DGKE: variants seen among roughly 807,000 people sequenced by gnomAD.
DGKE encodes the protein diacylglycerol kinase epsilon.
In DGKE, 53 loss-of-function variants were observed where a neutral mutation model predicts 70.0. That is an observed-to-expected ratio of 0.76 (90% CI 0.61 to 0.95). The LOEUF (loss-of-function observed/expected upper bound fraction) is 0.95, where lower values mean the gene tolerates loss of function less well. Ranked by LOEUF, DGKE falls within the 40% of genes least tolerant of loss-of-function variation. The pLI, the probability that DGKE is intolerant of heterozygous loss-of-function variation, is 0.00. For missense variants in DGKE, 655 were observed against 706.9 expected (o/e 0.93, Z 0.83); for synonymous variants, 291 against 257.0 (o/e 1.13, Z -1.27).
chr17:56,848,763 C>T lies in DGKE; in HGVS notation c.956C>T (p.Thr319Ile). The change falls in exon 6 of 12, where the codon ACA becomes ATA. Residue 319 changes from threonine (T) to isoleucine (I), a missense_variant. Physicochemically the swap from Thr to Ile is moderately conservative, Grantham distance 89 (BLOSUM62 -1). Transcript: ENST00000284061. ...GGAACAGGCAACGATCTATCCAATA[C>T]ATTGGGTTGGGGTACAGGTTATGCT... ...PLGTGNDLSN[T>I]LGWGTGYAGE... 6.2e-7 allele frequency: 1 copy of T among 1,614,172 alleles called. No homozygotes were observed. The highest frequency in any genetic ancestry group is 8.5e-7 in the Non-Finnish European group (1 of 1,180,010).
intron 7 of DGKE, among the ~76,000 whole-genome samples, chr17:56,850,084 G>A (rs1454637646): frequency 6.6e-6 from 1 of 151,826 alleles, no homozygotes; most frequent in Non-Finnish European, 1.5e-5. Flanking sequence ...TGTGGGGAGT[G>A]AGAGGGGAAA....
intron 8 of DGKE, 43 bp from the exon 9 acceptor site, chr17:56,858,551 G>T (rs1383172706): frequency 7.4e-6 from 11 of 1,494,008 alleles, no homozygotes; most frequent in South Asian, 1.2e-5. Flanking sequence ...TGTTTACAGG[G>T]TTAGATTGTT....
At chr17:56,848,187 T>C in intron 5 of DGKE, 122 bp downstream of exon 5, 1 of 600,818 alleles carries the variant, frequency 1.7e-6, no homozygotes, top group East Asian at 5.9e-5. Flanking sequence ...AGATACAGTC[T>C]CGCACTGTCA....
In DGKE at chr17:56,868,464, CAT is replaced by C. The variant is rs926926645; in HGVS notation, c.*5674_*5675del. The C allele has an allele frequency of 3.9e-5, 6 of 152,270 alleles. No homozygotes were observed. Among genetic ancestry groups the C allele is most frequent in the South Asian group, 2.1e-4 (1 of 4,836 alleles). 9.4% of individuals were successfully genotyped at this position (152,270 alleles called of 1,614,324 possible). A position where few individuals can be genotyped will look rare whatever the true frequency, so the allele number is the denominator to read the frequency against. ...CCCTAAACCCACAATGTTGAGGACA[CAT>C]GTGATGACTCCACTTGCTCAGCCAG... On this transcript the variant is annotated 3_prime_UTR_variant, in exon 12 of 12. Transcript: ENST00000284061.
At chr17:56,838,578 C>T (rs1906774351) in intron 2 of DGKE, 2 of 152,168 alleles carry the variant, frequency 1.3e-5, no homozygotes, top group Admixed American at 1.3e-4. Context: ...TTATAAATGA[C>T]CATCTCAACT....
chr17:56,839,921 C>G (rs1232383142), intron 2 of DGKE, among the ~76,000 whole-genome samples: 1 of 152,104 alleles, frequency 6.6e-6, no homozygotes, highest in Non-Finnish European at 1.5e-5. Flanking sequence ...TGGCTCATGC[C>G]TGTAATCCCA....
chr17:56,847,692 A>G (rs1337654363), intron 4 of DGKE: 1 of 225,518 alleles, frequency 4.4e-6, no homozygotes, highest in Non-Finnish European at 8.6e-6. Flanking sequence ...ACCTTCCTGC[A>G]CCTCAGTTTC....
chr17:56,836,220 T>TC (rs994842104), intron 2 of DGKE: 1 of 151,940 alleles, frequency 6.6e-6, no homozygotes, highest in African/African-American at 2.4e-5. Context: ...TTAATTTTTT[T>TC]TGCAGAAATT....
chr17:56,862,639 A>T lies in DGKE; in HGVS notation c.1552A>T (p.Met518Leu). 6.3e-7 allele frequency: 1 copy of T among 1,575,702 alleles called. No homozygotes were observed. Among genetic ancestry groups the T allele is most frequent in the Non-Finnish European group, 8.6e-7 (1 of 1,168,014 alleles). Reference sequence around the variant, plus strand: ...GATTTTGAAGTGCTCCATGATGCCAATGCAGGTGGATGGGGAGCCTTGGGC... The same window carrying T: ...GATTTTGAAGTGCTCCATGATGCCATTGCAGGTGGATGGGGAGCCTTGGGC... The part of the protein sequence containing the change: ...RLILKCSMMP[M>L]QVDGEPWAQG... Residue 518 changes from methionine to leucine, a missense_variant, in exon 12 of 12, where the codon ATG (methionine) becomes TTG (leucine). Coordinates refer to ENST00000284061, the MANE Select transcript of DGKE (RefSeq NM_003647.3).
intron 2 of DGKE, among the ~76,000 whole-genome samples, chr17:56,840,851 G>A (rs1760920163): frequency 6.6e-6 from 1 of 152,142 alleles, no homozygotes; most frequent in South Asian, 2.1e-4. Flanking sequence ...AAGCATAACA[G>A]CATTTAATTA....
chr17:56,855,753 C>T (rs1443494835), intron 7 of DGKE, among the ~76,000 whole-genome samples: 2 of 152,128 alleles, frequency 1.3e-5, no homozygotes, highest in Non-Finnish European at 2.9e-5. Context: ...CGCCTGTAAT[C>T]GCAGCACTTT....
At chr17:56,837,927 CTTTGTCTGTAGAT>C (rs779793998) in intron 2 of DGKE, among the ~76,000 whole-genome samples, 5 of 152,206 alleles carry the variant, frequency 3.3e-5, no homozygotes, top group Non-Finnish European at 7.3e-5. Flanking sequence ...CTAGAGTCTA[CTTTGTCTGTAGAT>C]TTTTTCTTTT....
intron 2 of DGKE, chr17:56,838,371 G>A (rs1171480353): frequency 6.6e-6 from 1 of 152,202 alleles, no homozygotes; most frequent in Non-Finnish European, 1.5e-5. Flanking sequence ...CAAACTTACT[G>A]TAAAGAGCCA....
chr17:56,853,616 G>A (rs948392244), intron 7 of DGKE, among the ~76,000 whole-genome samples: 1 of 152,164 alleles, frequency 6.6e-6, no homozygotes, highest in South Asian at 2.1e-4. Context: ...CCATAGATAT[G>A]TGTATTTATT....
At chr17:56,853,717 G>A (rs1296418848) in intron 7 of DGKE, among the ~76,000 whole-genome samples, 1 of 152,138 alleles carries the variant, frequency 6.6e-6, no homozygotes, top group Non-Finnish European at 1.5e-5. Context: ...TATTGGCATT[G>A]CAAATTAGTA....
chr17:56,841,955 A>G (rs1000891456), intron 2 of DGKE, among the ~76,000 whole-genome samples: 6 of 152,274 alleles, frequency 3.9e-5, no homozygotes, highest in African/African-American at 1.2e-4. Flanking sequence ...TTACCACGCC[A>G]AGCTAATTTT....
intron 9 of DGKE, among the ~76,000 whole-genome samples, chr17:56,861,576 A>C (rs1019206722): frequency 1.1e-4 from 16 of 152,218 alleles, no homozygotes; most frequent in African/African-American, 2.4e-4. Flanking sequence ...CACGAGGCTC[A>C]ACAAAAAGAA....
At chr17:56,834,482 T>TC (rs1906427733) in intron 1 of DGKE, among the ~76,000 whole-genome samples, 1 of 152,194 alleles carries the variant, frequency 6.6e-6, no homozygotes, top group Non-Finnish European at 1.5e-5. Flanking sequence ...GTTGCGCCCT[T>TC]CCGTGGGTCA....
intron 7 of DGKE, among the ~76,000 whole-genome samples, chr17:56,855,184 G>T (rs1018417235): frequency 4.5e-5 from 4 of 88,386 alleles, no homozygotes; most frequent in Non-Finnish European, 1.0e-4. Flanking sequence ...AAAATAAGGT[G>T]TTTATGGGTT....
Sources: allele counts gnomAD v4.1 joint callset (sites outside exome capture counted in the v4.1 genomes callset), GRCh38; gene constraint gnomAD v4.1.1; transcripts MANE v1.5; gene names NCBI Gene and HGNC (gene_info 2026-07-23, HGNC 2026-07-21).